KDELR3: variants seen among roughly 807,000 people sequenced by gnomAD.
KDELR3 encodes the protein KDEL endoplasmic reticulum protein retention receptor 3.
In KDELR3, 26 loss-of-function variants were observed where a neutral mutation model predicts 22.7. The ratio of observed to expected loss-of-function variants is 1.15; its 90% CI spans 0.84 to 1.59. KDELR3 has a LOEUF of 1.59. Ranked by LOEUF, KDELR3 falls within the 40% of genes most tolerant of loss-of-function variation. KDELR3 has a pLI of 0.00. For synonymous variants in KDELR3, 120 were observed against 98.2 expected (o/e 1.22, Z -1.31); for missense variants, 289 against 251.1 (o/e 1.15, Z -1.02).
rs2089603539 is a variant in KDELR3, at chr22:38,481,742, C to T, written c.604+278C>T. Reference sequence around the variant, plus strand: ...ACATTCCAGAACTTATTACAAGCCCCAAGGCAACCACCAGCTTGGTGTGAT... The same window carrying T: ...ACATTCCAGAACTTATTACAAGCCCTAAGGCAACCACCAGCTTGGTGTGAT... On this transcript the variant is annotated intron_variant, in intron 4 of 4. Coordinates refer to ENST00000216014, the MANE Select transcript of KDELR3 (RefSeq NM_006855.4). 2.9e-6 allele frequency: 3 copies of T among 1,041,670 alleles called. No individual in the cohort carries two copies. The South Asian group carries it at 5.4e-5, about 19-fold the overall frequency. The allele number at this position is 1,041,670 out of a possible 1,614,324, so 64.5% of individuals were successfully genotyped here. A position where few individuals can be genotyped will look rare whatever the true frequency, so the allele number is the denominator to read the frequency against.
chr22:38,472,805 T>TTCTCC (rs1246681108), intron 1 of KDELR3, among the ~76,000 whole-genome samples: 5 of 152,138 alleles, frequency 3.3e-5, no homozygotes, highest in African/African-American at 1.2e-4. Context: ...GTTCAAGCGA[T>TTCTCC]TCTCCTGCCT....
Position 38,483,331 on chromosome 22 carries a change from A to G in KDELR3, c.*795A>G, listed in dbSNP as rs2089619813. The G allele has an allele frequency of 6.6e-6, 1 of 152,236 alleles. No homozygotes were observed. The highest frequency in any genetic ancestry group is 1.5e-5 in the Non-Finnish European group (1 of 68,044). The allele number at this position is 152,236 out of a possible 1,614,324, so 9.4% of individuals were successfully genotyped here. A position where few individuals can be genotyped will look rare whatever the true frequency, so the allele number is the denominator to read the frequency against. ...TTTTTTCCTTTCAGTTTTAGGTGCG[A>G]AAGTAATCAGTCAATCCAATATCCC... On this transcript the variant is annotated 3_prime_UTR_variant, in exon 5 of 5. Transcript: ENST00000216014.
chr22:38,481,450 TG>T lies in KDELR3; in HGVS notation c.591del (p.Leu197PhefsTer3), dbSNP rs1424711572. 1 of 1,614,022 alleles carries T rather than the reference TG, an allele frequency of 6.2e-7. No homozygotes were observed. Among genetic ancestry groups the T allele is most frequent in the Non-Finnish European group, 8.5e-7 (1 of 1,180,016 alleles). The part of the protein sequence containing the change: ...QTIFYCDFFY[L>X]YVTKVLKGKK... ...ATCTTCTACTGTGACTTCTTCTACT[TG>T]TATGTGACCAAAGGTAGGTCCTGGG... On this transcript the variant is annotated frameshift_variant, in exon 4 of 5. Transcript: ENST00000216014. LOFTEE classifies it high-confidence loss of function.
chr22:38,468,201 C>A lies in KDELR3; in HGVS notation c.-33C>A, dbSNP rs2089498673. ...CGCCAGAAAGTTTCCTAGAAGTTTGCTGGGCGCGGGCGCACGACTGACTGG... is the reference window on the plus strand; with the variant it reads ...CGCCAGAAAGTTTCCTAGAAGTTTGATGGGCGCGGGCGCACGACTGACTGG... On this transcript the variant is annotated 5_prime_UTR_variant, in exon 1 of 5. The change creates a new upstream start codon in the 5' untranslated region. Coordinates refer to ENST00000216014, the MANE Select transcript of KDELR3 (RefSeq NM_006855.4). The A allele has an allele frequency of 1.9e-6, 3 of 1,603,678 alleles. No homozygotes were observed. Among genetic ancestry groups the A allele is most frequent in the Non-Finnish European group, 2.6e-6 (3 of 1,171,240 alleles).
chr22:38,479,961 G>A (rs1275608844), intron 3 of KDELR3, among the ~76,000 whole-genome samples: 1 of 152,148 alleles, frequency 6.6e-6, no homozygotes, highest in East Asian at 1.9e-4. Flanking sequence ...AAACCAAGCA[G>A]GCATCACAGC....
chr22:38,473,614 C>G (rs565128279), intron 1 of KDELR3, among the ~76,000 whole-genome samples: 1 of 152,292 alleles, frequency 6.6e-6, no homozygotes, highest in African/African-American at 2.4e-5. Context: ...ATCTTTGCAT[C>G]TTTGTATATT....
At chr22:38,468,941 G>A (rs142979258) in intron 1 of KDELR3, among the ~76,000 whole-genome samples, 226 of 152,352 alleles carry the variant, frequency 1.5e-3, no homozygotes, top group Admixed American at 4.8e-3. Flanking sequence ...GGCTGGACTC[G>A]CGGTCGCCAA....
intron 4 of KDELR3, chr22:38,481,754 C>A: frequency 2.4e-6 from 2 of 835,938 alleles, no homozygotes; most frequent in Non-Finnish European, 3.3e-6. Flanking sequence ...AGGCAACCAC[C>A]AGCTTGGTGT....
intron 1 of KDELR3, among the ~76,000 whole-genome samples, chr22:38,470,602 A>G (rs914403769): frequency 1.3e-5 from 2 of 152,148 alleles, no homozygotes; most frequent in African/African-American, 4.8e-5. Context: ...ACCCAGCCCC[A>G]AAGACCAGAG....
chr22:38,479,194 A>G (rs1279819313), intron 2 of KDELR3, among the ~76,000 whole-genome samples: 1 of 152,148 alleles, frequency 6.6e-6, no homozygotes, highest in Non-Finnish European at 1.5e-5. Context: ...TAAAAAAAAA[A>G]AGGCTAGTCC....
intron 1 of KDELR3, among the ~76,000 whole-genome samples, chr22:38,471,841 G>A (rs1026069485): frequency 6.6e-5 from 10 of 151,622 alleles, no homozygotes; most frequent in Admixed American, 2.0e-4. Flanking sequence ...GCATGTGCCT[G>A]TAGTCCCAGC....
At chr22:38,471,891 G>A (rs551359284) in intron 1 of KDELR3, among the ~76,000 whole-genome samples, 2 of 152,110 alleles carry the variant, frequency 1.3e-5, no homozygotes, top group East Asian at 3.9e-4. Flanking sequence ...CCGAGCCTGG[G>A]AGGTTGAGGC....
Position 38,482,651 on chromosome 22 carries a change from T to C in KDELR3, c.*115T>C, listed in dbSNP as rs868553830. The C allele has an allele frequency of 1.2e-5, 11 of 941,414 alleles. No homozygotes were observed. The highest frequency in any genetic ancestry group is 1.6e-5 in the African/African-American group (1 of 60,860). 58.3% of individuals were successfully genotyped at this position (941,414 alleles called of 1,614,324 possible). A position where few individuals can be genotyped will look rare whatever the true frequency, so the allele number is the denominator to read the frequency against. Reference sequence around the variant, plus strand: ...CAAATGTTAAAACCAGAAAAGTGTTTAGTGTGGATTTCAGCAAAACCTGAT... The same window carrying C: ...CAAATGTTAAAACCAGAAAAGTGTTCAGTGTGGATTTCAGCAAAACCTGAT... On this transcript the variant is annotated 3_prime_UTR_variant, in exon 5 of 5. Transcript: ENST00000216014.
intron 1 of KDELR3, among the ~76,000 whole-genome samples, chr22:38,470,275 C>T (rs1456510488): frequency 1.3e-5 from 2 of 151,874 alleles, no homozygotes; most frequent in Non-Finnish European, 2.9e-5. Context: ...AGACGCCCGC[C>T]ATCACACTCA....
chr22:38,482,554 C>T lies in KDELR3; in HGVS notation c.*18C>T, dbSNP rs373440644. 6.9e-6 allele frequency: 11 copies of T among 1,602,884 alleles called. No homozygotes were observed. The highest frequency in any genetic ancestry group is 2.2e-5 in the South Asian group (2 of 90,810). On this transcript the variant is annotated 3_prime_UTR_variant, in exon 5 of 5. Coordinates refer to ENST00000216014, the MANE Select transcript of KDELR3 (RefSeq NM_006855.4). ...CAATCTGAGGACCTTCAGAGACAGT[C>T]TACGCCTTAACAAGCACATGAAGGA...
At chr22:38,468,347 G>A (rs775124431) in intron 1 of KDELR3, 23 bp downstream of exon 1, 3 of 1,608,030 alleles carry the variant, frequency 1.9e-6, no homozygotes, top group Non-Finnish European at 2.6e-6. Flanking sequence ...TGGCAGGGAG[G>A]TGCGGGACCC....
chr22:38,474,640 TG>T lies in KDELR3; in HGVS notation c.192+18del. On this transcript the variant is annotated intron_variant, in intron 2 of 4. Coordinates refer to ENST00000216014, the MANE Select transcript of KDELR3 (RefSeq NM_006855.4). Reference sequence around the variant, plus strand: ...GTAATGAAGGTGAGGGGCTGGGTGATGATGGTTGGGGGAAGCCACCAAGCCC... The same window carrying T: ...GTAATGAAGGTGAGGGGCTGGGTGATATGGTTGGGGGAAGCCACCAAGCCC... 1 of 1,599,074 alleles carries T rather than the reference TG, an allele frequency of 6.3e-7. No homozygotes were observed. Among genetic ancestry groups the T allele is most frequent in the Non-Finnish European group, 8.6e-7 (1 of 1,166,668 alleles).
chr22:38,469,641 G>A (rs1383994233), intron 1 of KDELR3, among the ~76,000 whole-genome samples: 1 of 152,074 alleles, frequency 6.6e-6, no homozygotes, highest in African/African-American at 2.4e-5. Context: ...GCCCTGGTGA[G>A]GGGAGAATCA....
chr22:38,473,639 T>C (rs550840956), intron 1 of KDELR3, among the ~76,000 whole-genome samples: 2 of 152,352 alleles, frequency 1.3e-5, no homozygotes, highest in East Asian at 3.9e-4. Flanking sequence ...GATTTTTGTT[T>C]TGCAAAGAGT....
Sources: allele counts gnomAD v4.1 joint callset (sites outside exome capture counted in the v4.1 genomes callset), GRCh38; gene constraint gnomAD v4.1.1; transcripts MANE v1.5; gene names NCBI Gene and HGNC (gene_info 2026-07-23, HGNC 2026-07-21).